Variants in SLC16A9 observed in about 807,000 individuals in gnomAD.
The protein encoded by SLC16A9 is solute carrier family 16 member 9.
Under a neutral mutation model 44.3 loss-of-function variants are expected in SLC16A9, and 26 were observed. The ratio of observed to expected loss-of-function variants is 0.59; its 90% confidence interval spans 0.43 to 0.81. The LOEUF is 0.81. Among genes scored for constraint, SLC16A9 ranks in the 40% least tolerant of loss-of-function variants. The pLI is 0.00. For missense variants in SLC16A9, 559 were observed against 595.8 expected (o/e 0.94, Z 0.64); for synonymous variants, 230 against 225.1 (o/e 1.02, Z -0.19).
intron 2 of SLC16A9, among the ~76,000 whole-genome samples, chr10:59,680,345 T>C (rs944984304): frequency 6.6e-6 from 1 of 152,216 alleles, no homozygotes; most frequent in Non-Finnish European, 1.5e-5. Flanking sequence ...CAAATCTAGG[T>C]TTGCCAAAGC....
At chr10:59,696,517 G>C (rs1156402593) in intron 1 of SLC16A9, among the ~76,000 whole-genome samples, 1 of 152,064 alleles carries the variant, frequency 6.6e-6, no homozygotes, top group African/African-American at 2.4e-5. Flanking sequence ...GCCTCTGCCC[G>C]GCCGCCACCC....
chr10:59,668,450 A>T (rs368843663), intron 3 of SLC16A9, among the ~76,000 whole-genome samples: 1 of 152,172 alleles, frequency 6.6e-6, no homozygotes, highest in African/African-American at 2.4e-5. Flanking sequence ...TAAATTAAGC[A>T]TGAAGCCTCC....
intron 1 of SLC16A9, among the ~76,000 whole-genome samples, chr10:59,697,725 T>G (rs1840428121): frequency 7.2e-6 from 1 of 138,220 alleles, no homozygotes; most frequent in Non-Finnish European, 1.6e-5. Context: ...CCAAGAATGA[T>G]CAATAAAAAA....
At chr10:59,654,610 G>A (rs1251949799) in intron 4 of SLC16A9, 21 bp from the exon 5 acceptor site, 11 of 1,518,572 alleles carry the variant, frequency 7.2e-6, no homozygotes, top group Non-Finnish European at 9.6e-6. Flanking sequence ...AATGGGAACT[G>A]TTCAACCTCG....
At chr10:59,668,814 C>T (rs1266192778) in intron 3 of SLC16A9, among the ~76,000 whole-genome samples, 2 of 152,076 alleles carry the variant, frequency 1.3e-5, no homozygotes, top group African/African-American at 2.4e-5. Flanking sequence ...AATCATAGTA[C>T]CTTATTACAC....
chr10:59,673,936 C>T (rs2077149192), intron 2 of SLC16A9, among the ~76,000 whole-genome samples: 1 of 152,034 alleles, frequency 6.6e-6, no homozygotes, highest in Non-Finnish European at 1.5e-5. Flanking sequence ...AAAGTACAAC[C>T]CATATACTTT....
rs934391186 is a variant in SLC16A9, at chr10:59,652,917, A to G, written c.1385T>C (p.Ile462Thr). ...GCAGAAGCCACTAAAATAAAATGCA[A>G]TATCATAGGTCTGGGTCCAGTCATA... The part of the protein sequence containing the change: ...WFYDWTQTYD[I>T]AFYFSGFCVL... Residue 462 changes from isoleucine (I) to threonine (T), a missense_variant, in exon 6 of 6, where the codon ATT becomes ACT. By Grantham distance (89) the Ile-to-Thr change is moderately conservative. Coordinates refer to ENST00000395348, the MANE Select transcript of SLC16A9 (RefSeq NM_194298.3). The G allele has an allele frequency of 1.2e-6, 2 of 1,613,086 alleles. No individual in the cohort carries two copies. Among genetic ancestry groups the G allele is most frequent in the African/African-American group, 1.3e-5 (1 of 74,852 alleles).
At chr10:59,672,453 A>G (rs1000422252) in intron 3 of SLC16A9, among the ~76,000 whole-genome samples, 2 of 152,318 alleles carry the variant, frequency 1.3e-5, no homozygotes, top group Admixed American at 1.3e-4. Context: ...GAGAAGTGAC[A>G]GATGTCAATA....
intron 4 of SLC16A9, among the ~76,000 whole-genome samples, chr10:59,657,628 T>C (rs961935972): frequency 3.3e-5 from 5 of 152,080 alleles, no homozygotes; most frequent in Non-Finnish European, 7.4e-5. Context: ...CAAGACTGAG[T>C]GAAAAGCAAG....
intron 4 of SLC16A9, among the ~76,000 whole-genome samples, chr10:59,660,585 C>A (rs891427855): frequency 2.0e-5 from 3 of 152,158 alleles, no homozygotes; most frequent in Non-Finnish European, 4.4e-5. Flanking sequence ...CAAAGAGGAG[C>A]TGGCAGCATT....
chr10:59,675,750 A>G (rs1487605352), intron 2 of SLC16A9, among the ~76,000 whole-genome samples: 4 of 152,196 alleles, frequency 2.6e-5, no homozygotes, highest in Non-Finnish European at 4.4e-5. Flanking sequence ...CAAATGACCA[A>G]CACTGCCTAT....
intron 1 of SLC16A9, among the ~76,000 whole-genome samples, chr10:59,686,878 T>C (rs1840146153): frequency 6.6e-6 from 1 of 152,220 alleles, no homozygotes; most frequent in South Asian, 2.1e-4. Flanking sequence ...CACCTTGCTT[T>C]GGTTTCCAGT....
intron 5 of SLC16A9, 68 bp downstream of exon 5, chr10:59,653,607 A>T (rs1162356971): frequency 7.6e-7 from 1 of 1,322,196 alleles, no homozygotes; most frequent in Non-Finnish European, 1.0e-6. Context: ...TACAATCTGG[A>T]CCTCTATATC....
intron 1 of SLC16A9, among the ~76,000 whole-genome samples, chr10:59,695,292 T>G (rs1445474957): frequency 2.6e-5 from 4 of 152,108 alleles, no homozygotes; most frequent in Non-Finnish European, 5.9e-5. Context: ...ATTATACACT[T>G]TAAATAAGTG....
intron 1 of SLC16A9, among the ~76,000 whole-genome samples, chr10:59,696,623 G>A (rs1307893816): frequency 6.7e-6 from 1 of 150,164 alleles, no homozygotes; most frequent in Non-Finnish European, 1.5e-5. Flanking sequence ...AGTGAGGAGC[G>A]TCTCTGCCCG....
chr10:59,674,442 G>A (rs908873324), intron 2 of SLC16A9, among the ~76,000 whole-genome samples: 31 of 152,226 alleles, frequency 2.0e-4, no homozygotes, highest in Admixed American at 5.2e-4. Flanking sequence ...AGGCCCTCTT[G>A]TGTGAGTCAG....
At chr10:59,661,260 A>G (rs1370970741) in intron 4 of SLC16A9, among the ~76,000 whole-genome samples, 7 of 152,210 alleles carry the variant, frequency 4.6e-5, no homozygotes, top group Non-Finnish European at 8.8e-5. Flanking sequence ...AAACCCCATC[A>G]TCTCAGCCCG....
chr10:59,685,774 A>G (rs1345832343), intron 1 of SLC16A9, among the ~76,000 whole-genome samples: 1 of 152,224 alleles, frequency 6.6e-6, no homozygotes, highest in Non-Finnish European at 1.5e-5. Context: ...AGGAATATAC[A>G]TTTGTAATTG....
At chr10:59,663,098 G>T (rs544500650) in intron 4 of SLC16A9, among the ~76,000 whole-genome samples, 1 of 152,068 alleles carries the variant, frequency 6.6e-6, no homozygotes, top group Non-Finnish European at 1.5e-5. Flanking sequence ...GGTGGCTCAC[G>T]CCTGTAATCC....
Sources: allele counts gnomAD v4.1 joint callset (sites outside exome capture counted in the v4.1 genomes callset), GRCh38; gene constraint gnomAD v4.1.1; transcripts MANE v1.5; gene names NCBI Gene and HGNC (gene_info 2026-07-23, HGNC 2026-07-21).